Variants in BCLAF1 observed in about 807,000 individuals in gnomAD.
BCLAF1 encodes BCL2 associated transcription factor 1.
BCLAF1 carries 10 observed loss-of-function variants against 99.5 expected under a neutral mutation model. That is an observed-to-expected ratio of 0.10 (90% CI 0.06 to 0.17). BCLAF1 has a LOEUF of 0.17. Among genes scored for constraint, BCLAF1 ranks in the 10% least tolerant of loss-of-function variants. The pLI is 1.00. For missense variants in BCLAF1, 636 were observed against 1,105.8 expected (o/e 0.58, Z 6.02); for synonymous variants, 255 against 370.9 (o/e 0.69, Z 3.59).
At chr6:136,274,666 A>C (rs1783008330) in intron 6 of BCLAF1, among the ~76,000 whole-genome samples, 1 of 152,062 alleles carries the variant, frequency 6.6e-6, no homozygotes, top group Non-Finnish European at 1.5e-5. Context: ...GGAGGGGATT[A>C]ATTTTAAAGG....
Position 136,268,310 on chromosome 6 carries a change from C to T in BCLAF1, c.2249G>A (p.Arg750Gln), listed in dbSNP as rs78267720. Residue 750 changes from arginine (R) to glutamine (Q), a missense_variant, in exon 10 of 13, where the codon CGA becomes CAA. By Grantham distance (43) the Arg-to-Gln change is conservative. This residue lies in a region of BCLAF1 where 180 missense variants were observed against 270.0 expected (regional missense o/e 0.67). Transcript: ENST00000531224. Reference protein sequence around the residue: ...SKHKREQDHSRSSSSSASPSS... With the variant: ...SKHKREQDHSQSSSSSASPSS... Reference sequence around the variant, plus strand: ...AGGTGATGCTGAAGAGGATGAAGATCGAGAATGATCTTGCTCTCTTTTATG... The same window carrying T: ...AGGTGATGCTGAAGAGGATGAAGATTGAGAATGATCTTGCTCTCTTTTATG... 10 of 1,605,290 alleles carry T rather than the reference C, an allele frequency of 6.2e-6. No individual in the cohort carries two copies. The highest frequency in any genetic ancestry group is 3.3e-5 in the South Asian group (3 of 89,630).
At chr6:136,266,012 T>C (rs538462973) in intron 11 of BCLAF1, among the ~76,000 whole-genome samples, 3 of 152,074 alleles carry the variant, frequency 2.0e-5, no homozygotes, top group Non-Finnish European at 2.9e-5. Context: ...AAGCATAAAC[T>C]GAGAAAACAT....
At chr6:136,264,336 A>G (rs147239869) in intron 11 of BCLAF1, among the ~76,000 whole-genome samples, 81 of 152,168 alleles carry the variant, frequency 5.3e-4, no homozygotes, top group African/African-American at 1.8e-3. Flanking sequence ...CCTCCCGAGT[A>G]GTTGGGACTA....
chr6:136,278,028 T>G lies in BCLAF1; in HGVS notation c.853A>C (p.Ser285Arg). Residue 285 changes from serine to arginine, a missense_variant, in exon 4 of 13, where the codon AGT becomes CGT. This residue lies in a region of BCLAF1 where 186 missense variants were observed against 275.3 expected (regional missense o/e 0.68). Transcript: ENST00000531224. ...GSVGNGSSRY[S>R]PSQNSPIHHI... ...TGAATTGGACTATTCTGAGAAGGAC[T>G]GTATCGACTAGATCCATTTCCAACA... is the stretch of plus-strand genomic sequence containing the variant. The G allele has an allele frequency of 6.3e-7, 1 of 1,598,328 alleles. No homozygotes were observed.
chr6:136,261,590 A>AAT, intron 11 of BCLAF1, 113 bp from the exon 12 acceptor site: 1 of 1,092,648 alleles, frequency 9.2e-7, no homozygotes, highest in East Asian at 2.4e-5. Flanking sequence ...TGAGATTGGT[A>AAT]ATATTCTAAA....
intron 7 of BCLAF1, 91 bp from the exon 8 acceptor site, chr6:136,272,170 A>G: frequency 1.1e-6 from 1 of 882,624 alleles, no homozygotes; most frequent in East Asian, 2.8e-5. Flanking sequence ...TAAGACAGTT[A>G]TTTCTCTCCC....
At chr6:136,269,094 T>G in intron 9 of BCLAF1, 4 of 1,145,896 alleles carry the variant, frequency 3.5e-6, no homozygotes, top group Non-Finnish European at 4.3e-6. Context: ...CTGGGTGTTA[T>G]GAGTTGAAAA....
At chr6:136,281,759 G>C (rs1272983827) in intron 2 of BCLAF1, among the ~76,000 whole-genome samples, 1 of 152,136 alleles carries the variant, frequency 6.6e-6, no homozygotes, top group East Asian at 1.9e-4. Context: ...TTTTTGGATG[G>C]TAATTTCTGT....
rs751088161 is a variant in BCLAF1 at position 136,261,351 on chromosome 6, T to C, written c.2671A>G (p.Lys891Glu). ...TCAACAATCCCATCCCCTTGGTATT[T>C]GTCATGAGTCCATTTAGGACTGCTA... ...SGSSPKWTHD[K>E]YQGDGIVEDE... Residue 891 changes from lysine to glutamate, a missense_variant, in exon 12 of 13, where the codon AAA becomes GAA. By Grantham distance (56) the Lys-to-Glu change is moderately conservative. Transcript: ENST00000531224. The C allele has an allele frequency of 6.2e-7, 1 of 1,613,984 alleles. No individual in the cohort carries two copies. Among genetic ancestry groups the C allele is most frequent in the Non-Finnish European group, 8.5e-7 (1 of 1,179,876 alleles).
At chr6:136,262,424 C>G (rs572134931) in intron 11 of BCLAF1, among the ~76,000 whole-genome samples, 72 of 152,216 alleles carry the variant, frequency 4.7e-4, no homozygotes, top group African/African-American at 1.7e-3. Flanking sequence ...CCAAAAGCCA[C>G]TAAAACTTTT....
intron 8 of BCLAF1, chr6:136,269,904 C>A: frequency 4.4e-6 from 1 of 229,260 alleles, no homozygotes; most frequent in South Asian, 1.4e-4. Flanking sequence ...AATTTTTGTA[C>A]AGTAAATGAT....
rs776568088 is a variant in BCLAF1, at chr6:136,269,344, C to G, written c.2219+93G>C. 5 of 1,570,068 alleles carry G rather than the reference C, an allele frequency of 3.2e-6. No individual in the cohort carries two copies. In the Admixed American group the frequency reaches 9.6e-5, roughly 30 times the overall value. The stretch of plus-strand genomic sequence containing the variant: ...TTTTAATTGTTTAAATTTAAACATT[C>G]GATTACACAGTCAAAATTGAAAGCA... On this transcript the variant is annotated intron_variant, in intron 9 of 12. Transcript: ENST00000531224.
At chr6:136,263,967 G>A (rs965503693) in intron 11 of BCLAF1, among the ~76,000 whole-genome samples, 1 of 152,054 alleles carries the variant, frequency 6.6e-6, no homozygotes, top group African/African-American at 2.4e-5. Flanking sequence ...ACAACAAATA[G>A]TACAAACAAG....
In BCLAF1 at chr6:136,278,097, A is replaced by C; in HGVS notation, c.784T>G (p.Ser262Ala). 2 of 1,608,122 alleles carry C rather than the reference A, an allele frequency of 1.2e-6. No homozygotes were observed. Among genetic ancestry groups the C allele is most frequent in the East Asian group, 2.2e-5 (1 of 44,744 alleles). The part of the protein sequence containing the change: ...HSAKNTPSQH[S>A]HSIQHSPERS... ...TCAGGACTATGCTGAATGGAATGTG[A>C]ATGCTGAGAAGGAGTATTTTTTGCA... The change falls in exon 4 of 13, where the codon TCA becomes GCA. Residue 262 changes from serine to alanine, a missense_variant. Around this residue, in one of 9 missense-constraint regions of BCLAF1, gnomAD observed 5 missense variants for 35.0 expected, o/e 0.14. Transcript: ENST00000531224.
chr6:136,277,822 C>A, intron 4 of BCLAF1, 43 bp downstream of exon 4: 1 of 1,554,774 alleles, frequency 6.4e-7, no homozygotes, highest in Non-Finnish European at 8.7e-7. Context: ...ATTCAAAGAA[C>A]AAAAACAATA....
chr6:136,264,121 CTTT>C (rs996254415), intron 11 of BCLAF1, among the ~76,000 whole-genome samples: 1 of 152,072 alleles, frequency 6.6e-6, no homozygotes, highest in Non-Finnish European at 1.5e-5. Flanking sequence ...ACTCAAAAGC[CTTT>C]TTTAAGTATT....
Position 136,259,741 on chromosome 6 carries a change from A to G in BCLAF1, c.*1369T>C, listed in dbSNP as rs185633546. On this transcript the variant is annotated 3_prime_UTR_variant, in exon 13 of 13. Transcript: ENST00000531224. Reference sequence around the variant, plus strand: ...TTAAGATGAAAGAGCAATACACTTAAGATCTTCAAAAGTTTACATTAACAG... The same window carrying G: ...TTAAGATGAAAGAGCAATACACTTAGGATCTTCAAAAGTTTACATTAACAG... 33 of 152,188 alleles carry G rather than the reference A, an allele frequency of 2.2e-4. No individual in the cohort carries two copies. Among genetic ancestry groups the G allele is most frequent in the Admixed American group, 2.1e-3 (32 of 15,270 alleles). The allele number at this position is 152,188 out of a possible 1,614,324, so 9.4% of individuals were successfully genotyped here.
At chr6:136,284,592 AT>A (rs1210183936) in intron 1 of BCLAF1, among the ~76,000 whole-genome samples, 2 of 152,184 alleles carry the variant, frequency 1.3e-5, no homozygotes, top group Non-Finnish European at 2.9e-5. Context: ...AAATAAAATA[AT>A]GTCATATTTG....
intron 1 of BCLAF1, among the ~76,000 whole-genome samples, chr6:136,288,681 C>A (rs1302926000): frequency 6.6e-6 from 1 of 152,198 alleles, no homozygotes; most frequent in Non-Finnish European, 1.5e-5. Flanking sequence ...TTAAAAAAGT[C>A]TGAGGTAGCA....
Sources: allele counts gnomAD v4.1 joint callset (sites outside exome capture counted in the v4.1 genomes callset), GRCh38; gene constraint gnomAD v4.1.1; regional missense constraint gnomAD v4.1.1; transcripts MANE v1.5; gene names NCBI Gene and HGNC (gene_info 2026-07-23, HGNC 2026-07-21).